MICAL1: variants seen among roughly 807,000 people sequenced by gnomAD.
MICAL1 encodes the protein microtubule associated monooxygenase, calponin and LIM domain containing 1.
A neutral mutation model predicts 131.8 loss-of-function variants in MICAL1; 95 were observed. That is an observed-to-expected ratio of 0.72 (90% CI 0.61 to 0.86). The LOEUF is 0.86. Among genes scored for constraint, MICAL1 ranks in the 40% least tolerant of loss-of-function variants. The pLI, the probability that MICAL1 is intolerant of heterozygous loss-of-function variation, is 0.00. For synonymous variants in MICAL1, 546 were observed against 554.2 expected, an observed-to-expected ratio of 0.99 and a Z score of 0.21; for missense variants, 1,292 against 1,380.6, an observed-to-expected ratio of 0.94 and a Z score of 1.02.
chr6:109,454,387 C>T (rs1269277106), intron 1 of MICAL1, 148 bp from the exon 2 acceptor site: 1 of 854,748 alleles, frequency 1.2e-6, no homozygotes, highest in Admixed American at 2.9e-5. Context: ...CCCCTGCCAG[C>T]ATCTGCTCCA....
intron 1 of MICAL1, chr6:109,464,294 T>C (rs966688804): frequency 6.6e-6 from 1 of 152,218 alleles, no homozygotes; most frequent in Non-Finnish European, 1.5e-5. Flanking sequence ...CAAAATGTTT[T>C]TATCTTCTCT....
intron 4 of MICAL1, 29 bp from the exon 5 acceptor site, chr6:109,452,644 G>A: frequency 3.8e-6 from 6 of 1,575,784 alleles, no homozygotes; most frequent in Non-Finnish European, 5.2e-6. Context: ...GAGGCACAAA[G>A]GTGTAGAAGT....
chr6:109,450,867 A>C (rs776512458), intron 7 of MICAL1, among the ~76,000 whole-genome samples: 9 of 152,198 alleles, frequency 5.9e-5, no homozygotes, highest in Admixed American at 6.5e-5. Context: ...CAACATGCCT[A>C]ATTTATCAGG....
chr6:109,463,615 G>A (rs1260340505), intron 1 of MICAL1: 2 of 152,118 alleles, frequency 1.3e-5, no homozygotes, highest in African/African-American at 4.8e-5. Context: ...ATGAGAATCT[G>A]TTTTCAACTG....
Position 109,454,027 on chromosome 6 carries a change from T to G in MICAL1, c.170A>C (p.Tyr57Ser), listed in dbSNP as rs1178281980. ...GGTCCACAGTGACTTGGCGCTCCAGTAGTTGAGCTGGTCCTTGATCTTGTG... is the reference window on the plus strand; with the variant it reads ...GGTCCACAGTGACTTGGCGCTCCAGGAGTTGAGCTGGTCCTTGATCTTGTG... Reference protein sequence around the residue: ...QYHKIKDQLNYWSAKSLWTKL... With the variant: ...QYHKIKDQLNSWSAKSLWTKL... The change falls in exon 2 of 25, where the codon TAC becomes TCC. Residue 57 changes from tyrosine (Y) to serine (S), a missense_variant. Physicochemically the swap from Tyr to Ser is moderately radical, Grantham distance 144. Coordinates refer to ENST00000358807, the MANE Select transcript of MICAL1 (RefSeq NM_022765.4). 1.2e-6 allele frequency: 2 copies of G among 1,614,128 alleles called. No homozygotes were observed. The highest frequency in any genetic ancestry group is 3.3e-5 in the Admixed American group (2 of 60,032).
In MICAL1 at chr6:109,448,097, G is replaced by GACACACAC. The variant is rs377004839; in HGVS notation, c.1855+98_1855+105dup. On this transcript the variant is annotated intron_variant, in intron 13 of 24. Coordinates refer to ENST00000358807, the MANE Select transcript of MICAL1 (RefSeq NM_022765.4). The stretch of plus-strand genomic sequence containing the variant: ...CAGAGGGCGCCTTCTTCCTCTTTCT[G>GACACACAC]ACACACACACACACACACACCGCCT... 1.0e-3 allele frequency: 1,164 copies of GACACACAC among 1,130,272 alleles called. 4 individuals carry two copies. In the South Asian group the frequency reaches 0.011, roughly 10 times the overall value. 70.0% of individuals were successfully genotyped at this position (1,130,272 alleles called of 1,614,324 possible).
intron 7 of MICAL1, among the ~76,000 whole-genome samples, chr6:109,451,135 T>C (rs571707910): frequency 9.4e-5 from 14 of 149,638 alleles, no homozygotes; most frequent in Non-Finnish European, 1.9e-4. Context: ...TGCTGCCTTG[T>C]AAATCCCAGG....
At chr6:109,463,793 A>G (rs1775965730) in intron 1 of MICAL1, 1 of 152,232 alleles carries the variant, frequency 6.6e-6, no homozygotes, top group South Asian at 2.1e-4. Context: ...AATATTTGGC[A>G]AATGTTGGAT....
chr6:109,455,813 G>A, upstream of MICAL1: 1 of 984,956 alleles, frequency 1.0e-6, no homozygotes, highest in Non-Finnish European at 1.2e-6. The surrounding 1 kb of genome is among the most constrained non-coding windows in gnomAD (Gnocchi z 4.7). Context: ...GGGCGGAAAC[G>A]CCGAGATCGG....
At position 109,453,945 on chromosome 6, in the gene MICAL1, G is replaced by A; in HGVS notation, c.252C>T (p.Ser84=). ...PVYQQGRACT[S]TKCLVVGAGP... is the part of the protein sequence containing the mutation. The stretch of plus-strand genomic sequence containing the variant: ...CCAGGCACCGTGTATCCACCTTGGT[G>A]CTGGTGCAGGCCCGGCCCTGCTGGT... The change falls in exon 2 of 25, where the codon AGC becomes AGT. Residue 84 remains serine (S), a synonymous_variant. Transcript: ENST00000358807. The A allele has an allele frequency of 1.2e-6, 2 of 1,613,258 alleles. No individual in the cohort carries two copies. The highest frequency in any genetic ancestry group is 1.7e-6 in the Non-Finnish European group (2 of 1,179,516).
chr6:109,449,289 T>C (rs756704477), intron 11 of MICAL1, 111 bp downstream of exon 11: 3 of 1,183,750 alleles, frequency 2.5e-6, no homozygotes, highest in Admixed American at 1.7e-5. Context: ...CAACAATGAG[T>C]GCTCCGGCAC....
chr6:109,452,229 G>T lies in MICAL1; in HGVS notation c.832+17C>A, dbSNP rs1301368586. ...GTCAGGCAGGGGGAGGGGAAATTCA[G>T]CAAGAGGGTCCCTGACCTGTGGCTT... On this transcript the variant is annotated intron_variant, in intron 6 of 24. Coordinates refer to ENST00000358807, the MANE Select transcript of MICAL1 (RefSeq NM_022765.4). 6.2e-7 allele frequency: 1 copy of T among 1,600,556 alleles called. No individual in the cohort carries two copies. Among genetic ancestry groups the T allele is most frequent in the Non-Finnish European group, 8.5e-7 (1 of 1,171,086 alleles).
intron 1 of MICAL1, chr6:109,454,547 A>C: frequency 2.7e-6 from 1 of 373,270 alleles, no homozygotes; most frequent in Non-Finnish European, 5.0e-6. Context: ...TGGGGTAGGA[A>C]TTCTTAGCCT....
exon 1 of MICAL1, chr6:109,465,668 G>C (rs1776016588): frequency 1.9e-6 from 3 of 1,580,900 alleles, no homozygotes; most frequent in Non-Finnish European, 2.6e-6. Context: ...CAGTACCTTA[G>C]ACAAGACATA....
At chr6:109,461,518 C>T (rs535409941) in intron 1 of MICAL1, among the ~76,000 whole-genome samples, 2 of 152,126 alleles carry the variant, frequency 1.3e-5, no homozygotes, top group South Asian at 4.1e-4. Flanking sequence ...GGTGGGAGGA[C>T]TGCTTGAGGC....
rs769837935 is a variant in MICAL1, at chr6:109,444,954, G to A, written c.2923C>T (p.Leu975=). 11 of 1,614,102 alleles carry A rather than the reference G, an allele frequency of 6.8e-6. No homozygotes were observed. The South Asian group carries it at 9.9e-5, about 14-fold the overall frequency. The change falls in exon 23 of 25, where the codon CTA becomes TTA. Residue 975 remains leucine (L), a synonymous_variant. Transcript: ENST00000358807. ...CTGTTTTTCTTGTCAACGAGCTGTA[G>A]CAGCTGTCCTACCCATAGTTTCTTT... ...QQKKLWVGQL[L]QLVDKKNSLV... is the part of the protein sequence containing the mutation.
At position 109,447,412 on chromosome 6, in the gene MICAL1, AC is replaced by A; in HGVS notation, c.2014del (p.Val672CysfsTer11). 6.2e-7 allele frequency: 1 copy of A among 1,613,490 alleles called. No homozygotes were observed. The highest frequency in any genetic ancestry group is 8.5e-7 in the Non-Finnish European group (1 of 1,179,816). On this transcript the variant is annotated frameshift_variant, in exon 16 of 25. Coordinates refer to ENST00000358807, the MANE Select transcript of MICAL1 (RefSeq NM_022765.4). LOFTEE classifies it high-confidence loss of function. ...TACACCAGGCTCTGGGTCAGGTGGC[AC>A]CTCAGTACTTGGGGTCTCGGCCTCC... ...EMEAETPSTEVPPDPEPGVPL... is the reference protein window; with the variant it reads ...EMEAETPSTEXPPDPEPGVPL...
Position 109,444,368 on chromosome 6 carries a change from C to T in MICAL1, c.3056-29G>A, listed in dbSNP as rs1040243626. 11 of 1,613,104 alleles carry T rather than the reference C, an allele frequency of 6.8e-6. No homozygotes were observed. The Admixed American group carries it at 8.3e-5, about 12-fold the overall frequency. On this transcript the variant is annotated intron_variant, in intron 24 of 24. Transcript: ENST00000358807. ...AAAGGAGGAGACAAAGCTTAGAGAA[C>T]AGGGAACTGGGCAGGGAAGCAGGAG...
In MICAL1 at chr6:109,447,241, C is replaced by T. The variant is rs778961442; in HGVS notation, c.2071-12G>A. The T allele has an allele frequency of 5.0e-6, 8 of 1,613,862 alleles. No homozygotes were observed. Among genetic ancestry groups the T allele is most frequent in the Non-Finnish European group, 6.8e-6 (8 of 1,179,898 alleles). ...TCCCCAGCACCGGCCTGCGTGGACC[C>T]CCAGGACACAGGGTCAGGTGGAGCC... On this transcript the variant is annotated splice_polypyrimidine_tract_variant and intron_variant, in intron 16 of 24. Coordinates refer to ENST00000358807, the MANE Select transcript of MICAL1 (RefSeq NM_022765.4).
Sources: gnomAD v4.1 joint callset for allele counts (sites outside exome capture counted in the v4.1 genomes callset) on GRCh38, gnomAD v4.1.1 for gene constraint, Gnocchi (gnomAD v3.1) non-coding constraint, MANE v1.5 for transcripts, NCBI Gene and HGNC (gene_info 2026-07-23, HGNC 2026-07-21) for gene names.